The following ESYT2 variants were observed in gnomAD, a reference collection of about 807,000 sequenced individuals.
The protein encoded by ESYT2 is extended synaptotagmin 2, also known as extended synaptotagmin-2.
ESYT2 carries 54 observed loss-of-function variants against 107.2 expected under a neutral mutation model. The observed-to-expected ratio is 0.50, with a 90% confidence interval of 0.40 to 0.63. ESYT2 has a LOEUF of 0.63. Among genes scored for constraint, ESYT2 ranks in the 30% least tolerant of loss-of-function variants. The pLI is 0.00. For synonymous variants in ESYT2, 491 were observed against 434.1 expected (o/e 1.13, Z -1.63); for missense variants, 1,020 against 1,094.5 (o/e 0.93, Z 0.96).
At chr7:158,816,282 C>T (rs753404332) in intron 1 of ESYT2, among the ~76,000 whole-genome samples, 1 of 152,106 alleles carries the variant, frequency 6.6e-6, no homozygotes, top group Non-Finnish European at 1.5e-5. Flanking sequence ...TCCAGGAGGT[C>T]GAGACTGCAG....
chr7:158,741,477 G>GA (rs990730410), intron 18 of ESYT2, 46 bp downstream of exon 18: 6 of 1,514,046 alleles, frequency 4.0e-6, no homozygotes, highest in African/African-American at 1.4e-5. Context: ...TGGGGTGGGG[G>GA]GCGCTTGCTC....
rs1342416120 is a variant in ESYT2 at position 158,790,484 on chromosome 7, A to AGCT, written c.585-2070_585-2068dup. On this transcript the variant is annotated intron_variant, in intron 4 of 22. Transcript: ENST00000275418. Reference sequence around the variant, plus strand: ...CAAGAGAAGCCCGCTTTTAAGCCACAGCTGCATCACTGCCCTCCAGCCCGG... The same window carrying AGCT: ...CAAGAGAAGCCCGCTTTTAAGCCACAGCTGCTGCATCACTGCCCTCCAGCCCGG... 3.9e-5 allele frequency among the ~76,000 whole-genome samples: 6 copies of AGCT among 152,300 alleles called. No individual in the cohort carries two copies. The Middle Eastern group carries it at 0.01, about 259-fold the overall frequency.
intron 6 of ESYT2, among the ~76,000 whole-genome samples, chr7:158,783,780 C>T (rs842453): frequency 0.83 from 127,117 of 152,254 alleles, 53,162 homozygotes; most frequent in Admixed American, 0.87. Flanking sequence ...CCTGCATCCC[C>T]GGTGTGCAAA....
intron 1 of ESYT2, among the ~76,000 whole-genome samples, chr7:158,827,158 G>C (rs543791816): frequency 1.6e-5 from 2 of 122,194 alleles, no homozygotes; most frequent in Non-Finnish European, 3.2e-5. Flanking sequence ...GAGAGGCTCT[G>C]TCTCAAAAAA....
At chr7:158,738,532 G>A (rs1385655839) in intron 19 of ESYT2, among the ~76,000 whole-genome samples, 1 of 152,092 alleles carries the variant, frequency 6.6e-6, no homozygotes, top group African/African-American at 2.4e-5. Flanking sequence ...TTGGCTCACA[G>A]CAACCTCTGC....
At chr7:158,785,516 T>C (rs1237117321) in intron 6 of ESYT2, among the ~76,000 whole-genome samples, 1 of 152,190 alleles carries the variant, frequency 6.6e-6, no homozygotes, top group Non-Finnish European at 1.5e-5. Flanking sequence ...AGGAGAAATA[T>C]TTAATTTCTT....
chr7:158,770,461 T>C (rs539432294), intron 7 of ESYT2, among the ~76,000 whole-genome samples: 3 of 151,456 alleles, frequency 2.0e-5, no homozygotes, highest in Admixed American at 6.6e-5. Context: ...TGTATTTATC[T>C]GTTAGGTAAG....
chr7:158,749,750 AAAAT>A (rs774661007), intron 14 of ESYT2, 27 bp from the exon 15 acceptor site: 89 of 1,603,634 alleles, frequency 5.5e-5, no homozygotes, highest in Middle Eastern at 3.3e-4. Context: ...GAAAACAGAC[AAAAT>A]AAATAAACAC....
chr7:158,787,194 G>A (rs376481756), intron 6 of ESYT2, among the ~76,000 whole-genome samples: 3 of 152,134 alleles, frequency 2.0e-5, no homozygotes, highest in African/African-American at 7.2e-5. Flanking sequence ...GGTTTTGTGG[G>A]AAATAACAAA....
At chr7:158,810,696 A>G (rs918971758) in intron 1 of ESYT2, among the ~76,000 whole-genome samples, 23 of 151,780 alleles carry the variant, frequency 1.5e-4, no homozygotes, top group Non-Finnish European at 3.4e-4. Flanking sequence ...GGGAAAAAAA[A>G]AGGCTCATCA....
At chr7:158,779,004 CATA>C (rs1176870533) in intron 6 of ESYT2, among the ~76,000 whole-genome samples, 1 of 152,110 alleles carries the variant, frequency 6.6e-6, no homozygotes, top group African/African-American at 2.4e-5. Flanking sequence ...AGGGCACTGA[CATA>C]ATGTTTTGCT....
intron 7 of ESYT2, among the ~76,000 whole-genome samples, chr7:158,769,870 T>C (rs1482332684): frequency 1.3e-5 from 2 of 152,202 alleles, no homozygotes; most frequent in Non-Finnish European, 2.9e-5. Context: ...TTTATAAAGC[T>C]TGGGACAAGA....
At chr7:158,734,889 A>G (rs1196231258) in intron 21 of ESYT2, among the ~76,000 whole-genome samples, 2 of 151,972 alleles carry the variant, frequency 1.3e-5, no homozygotes, top group Middle Eastern at 3.4e-3. Context: ...AGGAATATGG[A>G]CTCTCCCTTT....
At chr7:158,786,700 A>G (rs946676320) in intron 6 of ESYT2, among the ~76,000 whole-genome samples, 1 of 152,246 alleles carries the variant, frequency 6.6e-6, no homozygotes, top group Non-Finnish European at 1.5e-5. Flanking sequence ...TGTCAGGTGT[A>G]GATAAACCCG....
At chr7:158,804,209 C>T (rs750051933) in intron 1 of ESYT2, among the ~76,000 whole-genome samples, 16 of 63,224 alleles carry the variant, frequency 2.5e-4, no homozygotes, top group African/African-American at 1.3e-3. Flanking sequence ...AAGGGTGAGG[C>T]GCGCGACAAA....
In ESYT2 at chr7:158,763,063, C is replaced by T; in HGVS notation, c.1184+20G>A. On this transcript the variant is annotated intron_variant, in intron 10 of 22. Transcript: ENST00000275418. ...CTGACCCCATGCCCTCCTCCAATAACCACAATGGGCTTTATTTACCTTCCT... is the reference window on the plus strand; with the variant it reads ...CTGACCCCATGCCCTCCTCCAATAATCACAATGGGCTTTATTTACCTTCCT... The T allele has an allele frequency of 6.3e-7, 1 of 1,598,418 alleles. No homozygotes were observed.
At chr7:158,801,772 C>T (rs1839654896) in intron 1 of ESYT2, among the ~76,000 whole-genome samples, 1 of 152,104 alleles carries the variant, frequency 6.6e-6, no homozygotes, top group South Asian at 2.1e-4. Context: ...TGACACCACC[C>T]GCAAAAATCT....
intron 4 of ESYT2, among the ~76,000 whole-genome samples, chr7:158,792,443 G>A (rs1231479736): frequency 2.0e-5 from 3 of 151,196 alleles, no homozygotes; most frequent in Non-Finnish European, 2.9e-5. Context: ...TGAGAGGATC[G>A]CTTGATTCTG....
intron 13 of ESYT2, among the ~76,000 whole-genome samples, chr7:158,754,708 T>G (rs976241986): frequency 6.6e-6 from 1 of 152,168 alleles, no homozygotes; most frequent in African/African-American, 2.4e-5. Flanking sequence ...ATAAATTCAC[T>G]TTGCACTAGG....
Sources: allele counts gnomAD v4.1 joint callset (sites outside exome capture counted in the v4.1 genomes callset), GRCh38; gene constraint gnomAD v4.1.1; transcripts MANE v1.5; gene names NCBI Gene and HGNC (gene_info 2026-07-23, HGNC 2026-07-21).